FNDC7: variants seen among roughly 807,000 people sequenced by gnomAD.
FNDC7 encodes the protein fibronectin type III domain containing 7, also known as fibronectin type III domain-containing protein 7.
Under a neutral mutation model 74.2 loss-of-function variants are expected in FNDC7, and 66 were observed. That is an observed-to-expected ratio of 0.89 (90% CI 0.73 to 1.09). The LOEUF (loss-of-function observed/expected upper bound fraction) is 1.09, where lower values mean the gene tolerates loss of function less well. Ranked by LOEUF, FNDC7 falls within the 50% of genes least tolerant of loss-of-function variation. FNDC7 has a pLI of 0.00. For missense variants in FNDC7, 829 were observed against 893.4 expected, an observed-to-expected ratio of 0.93 and a Z score of 0.92; for synonymous variants, 307 against 330.2, an observed-to-expected ratio of 0.93 and a Z score of 0.76.
rs992759347 is a variant in FNDC7 at position 108,718,871 on chromosome 1, T to G, written c.420T>G (p.Ile140Met). 1 of 1,551,762 alleles carries G rather than the reference T, an allele frequency of 6.4e-7. No individual in the cohort carries two copies. Among genetic ancestry groups the G allele is most frequent in the Middle Eastern group, 1.7e-4 (1 of 5,992 alleles). The change falls in exon 4 of 13, where the codon ATT (isoleucine) becomes ATG (methionine). Residue 140 changes from isoleucine to methionine, a missense_variant. By Grantham distance (10) the Ile-to-Met change is conservative. Coordinates refer to ENST00000370017, the MANE Select transcript of FNDC7 (RefSeq NM_001144937.3). ...AGTGGGAAGCTGTATATATGGCAAT[T>G]GCATTCTCCGTGTCCATTATGCGAG... Reference protein sequence around the residue: ...LVQWEAVYMAIAFSVSIMRAN... With the variant: ...LVQWEAVYMAMAFSVSIMRAN...
chr1:108,733,611 A>G (rs977844422), intron 10 of FNDC7, 79 bp downstream of exon 10: 2 of 1,425,030 alleles, frequency 1.4e-6, no homozygotes, highest in African/African-American at 2.8e-5. Flanking sequence ...AAACTTATTT[A>G]CTATGTATGA....
intron 4 of FNDC7, among the ~76,000 whole-genome samples, chr1:108,721,468 C>CA (rs1428079195): frequency 6.6e-6 from 1 of 150,886 alleles, no homozygotes; most frequent in Non-Finnish European, 1.5e-5. Context: ...GGCTCCGTCT[C>CA]AAAAAAAAGA....
At chr1:108,722,701 C>T (rs1228740861) in intron 5 of FNDC7, 109 bp downstream of exon 5, 3 of 1,242,650 alleles carry the variant, frequency 2.4e-6, no homozygotes, top group African/African-American at 1.5e-5. Context: ...AAAATGAAAG[C>T]CTGGTCTAAA....
intron 8 of FNDC7, 112 bp from the exon 9 acceptor site, chr1:108,730,562 G>T: frequency 8.3e-7 from 1 of 1,205,332 alleles, no homozygotes; most frequent in Non-Finnish European, 1.1e-6. Flanking sequence ...GGAAAGTTGG[G>T]GAATGTAGGA....
intron 2 of FNDC7, among the ~76,000 whole-genome samples, chr1:108,715,065 G>A (rs144493378): frequency 9.3e-4 from 142 of 152,272 alleles, no homozygotes; most frequent in African/African-American, 3.2e-3. Flanking sequence ...TGATGCTGCT[G>A]CTAATTGACT....
intron 6 of FNDC7, among the ~76,000 whole-genome samples, 193 bp from the exon 7 acceptor site, chr1:108,727,615 T>C (rs370533811): frequency 3.7e-4 from 56 of 152,240 alleles, no homozygotes; most frequent in African/African-American, 1.2e-3. Context: ...ACCTTCAATG[T>C]CATGCTGAGG....
In FNDC7 at chr1:108,741,837, A is replaced by T; in HGVS notation, c.*33A>T. 5.0e-6 allele frequency: 8 copies of T among 1,608,084 alleles called. No individual in the cohort carries two copies. The highest frequency in any genetic ancestry group is 6.8e-6 in the Non-Finnish European group (8 of 1,175,464). ...AGCCCCAGATAAAAACAAAAACTTG[A>T]CCAAGTGAGTAACGTAAATTGATTT... On this transcript the variant is annotated 3_prime_UTR_variant, in exon 12 of 13. Transcript: ENST00000370017.
At chr1:108,741,733 G>C in intron 11 of FNDC7, 40 bp from the exon 12 acceptor site, 1 of 1,600,610 alleles carries the variant, frequency 6.2e-7, no homozygotes, top group South Asian at 1.1e-5. Context: ...TCTGCATATT[G>C]AATGCATCTT....
At chr1:108,716,606 C>T (rs528791279) in intron 2 of FNDC7, among the ~76,000 whole-genome samples, 2 of 152,176 alleles carry the variant, frequency 1.3e-5, no homozygotes, top group East Asian at 3.9e-4. Context: ...TTCATTTTTG[C>T]AGCATGGTTA....
chr1:108,729,748 A>T lies in FNDC7; in HGVS notation c.1624+862A>T, dbSNP rs143974762. ...GTGTATGAATGAAACGTGGCAAATC[A>T]CTTCAAGCCTGTGGACATTAGTTTT... On this transcript the variant is annotated intron_variant, in intron 8 of 12. Transcript: ENST00000370017. 2.0e-5 allele frequency among the ~76,000 whole-genome samples: 3 copies of T among 152,302 alleles called. No homozygotes were observed. In the East Asian group the frequency reaches 5.8e-4, roughly 29 times the overall value.
intron 8 of FNDC7, among the ~76,000 whole-genome samples, chr1:108,730,377 A>AAAAG (rs1215841794): frequency 6.6e-6 from 1 of 150,890 alleles, no homozygotes; most frequent in Non-Finnish European, 1.5e-5. Flanking sequence ...AAAAAAAAAA[A>AAAAG]TGTTGAAGAT....
intron 9 of FNDC7, 88 bp from the exon 10 acceptor site, chr1:108,733,184 A>G: frequency 3.3e-6 from 5 of 1,508,330 alleles, no homozygotes; most frequent in Admixed American, 3.8e-5. Flanking sequence ...TAGTTTGCTT[A>G]TATTTTTTCC....
intron 11 of FNDC7, among the ~76,000 whole-genome samples, 157 bp downstream of exon 11, chr1:108,737,681 T>C (rs1244931296): frequency 6.6e-6 from 1 of 152,224 alleles, no homozygotes; most frequent in East Asian, 1.9e-4. Context: ...TTCTCCCCAT[T>C]ATAGTGCCTC....
chr1:108,738,545 C>A (rs1352734260), intron 11 of FNDC7, among the ~76,000 whole-genome samples: 4 of 145,810 alleles, frequency 2.7e-5, no homozygotes, highest in Non-Finnish European at 6.0e-5. Flanking sequence ...CCCACCCCCA[C>A]CCCACCCCTC....
intron 7 of FNDC7, among the ~76,000 whole-genome samples, 186 bp downstream of exon 7, chr1:108,728,251 A>G (rs1661264242): frequency 6.6e-6 from 1 of 152,184 alleles, no homozygotes; most frequent in Non-Finnish European, 1.5e-5. Context: ...GAAAGTGGAA[A>G]AAATGAAAAC....
Position 108,725,960 on chromosome 1 carries a change from A to C in FNDC7, c.1067A>C (p.Lys356Thr). Residue 356 changes from lysine to threonine, a missense_variant, in exon 6 of 13, where the codon AAG (lysine) becomes ACG (threonine). By Grantham distance (78) the Lys-to-Thr change is moderately conservative. Coordinates refer to ENST00000370017, the MANE Select transcript of FNDC7 (RefSeq NM_001144937.3). ...TYFISVFVYN[K>T]AGQSPLGDIF... Reference sequence around the variant, plus strand: ...TTTATTAGTGTTTTTGTCTATAACAAGGCAGGGCAAAGTCCTTTGGGTGAC... The same window carrying C: ...TTTATTAGTGTTTTTGTCTATAACACGGCAGGGCAAAGTCCTTTGGGTGAC... 1 of 1,614,224 alleles carries C rather than the reference A, an allele frequency of 6.2e-7. No individual in the cohort carries two copies. The highest frequency in any genetic ancestry group is 8.5e-7 in the Non-Finnish European group (1 of 1,180,034).
chr1:108,721,672 A>G (rs540206972), intron 4 of FNDC7, among the ~76,000 whole-genome samples: 1 of 152,166 alleles, frequency 6.6e-6, no homozygotes, highest in African/African-American at 2.4e-5. Flanking sequence ...GGTAACTCTT[A>G]AGAAAGGAAG....
chr1:108,742,652 C>T lies in FNDC7; in HGVS notation c.*765C>T, dbSNP rs1307169842. ...CATCTTTTGGGGGAGGACCATCCAT[C>T]TTATTGGCCATATCCCCCACTCATA... On this transcript the variant is annotated 3_prime_UTR_variant, in exon 13 of 13. Transcript: ENST00000370017. 6.6e-6 allele frequency: 1 copy of T among 152,200 alleles called. No homozygotes were observed. Among genetic ancestry groups the T allele is most frequent in the Non-Finnish European group, 1.5e-5 (1 of 68,034 alleles). 9.4% of individuals were successfully genotyped at this position (152,200 alleles called of 1,614,324 possible).
At position 108,718,912 on chromosome 1, in the gene FNDC7, G is replaced by A. The variant is rs61747960; in HGVS notation, c.461G>A (p.Ser154Asn). Reference sequence around the variant, plus strand: ...ATTATGCGAGCCAATGGCTTGGGGAGTATATGGAAAGAGAATACTACAAAC... The same window carrying A: ...ATTATGCGAGCCAATGGCTTGGGGAATATATGGAAAGAGAATACTACAAAC... ...VSIMRANGLGSIWKENTTNTS... is the reference protein window; with the variant it reads ...VSIMRANGLGNIWKENTTNTS... The change falls in exon 4 of 13, where the codon AGT (serine) becomes AAT (asparagine). Residue 154 changes from serine (S) to asparagine (N), a missense_variant. By Grantham distance (46) the Ser-to-Asn change is conservative. Coordinates refer to ENST00000370017, the MANE Select transcript of FNDC7 (RefSeq NM_001144937.3). The A allele has an allele frequency of 3.2e-3, 4,890 of 1,551,714 alleles. 14 individuals carry two copies. Among genetic ancestry groups the A allele is most frequent in the Non-Finnish European group, 3.6e-3 (4,156 of 1,147,008 alleles).
Sources: gnomAD v4.1 joint callset for allele counts (sites outside exome capture counted in the v4.1 genomes callset) on GRCh38, gnomAD v4.1.1 for gene constraint, MANE v1.5 for transcripts, NCBI Gene and HGNC (gene_info 2026-07-23, HGNC 2026-07-21) for gene names.